HMBOX1: variants seen among roughly 807,000 people sequenced by gnomAD.
HMBOX1 encodes homeobox containing 1.
HMBOX1 carries 14 observed loss-of-function variants against 54.5 expected under a neutral mutation model. The ratio of observed to expected loss-of-function variants is 0.26; its 90% CI spans 0.17 to 0.40. HMBOX1 has a LOEUF of 0.40. HMBOX1 is among the 10% of genes least tolerant of loss of function. The probability of loss-of-function intolerance (pLI) is 1.00; values close to 1 mark genes in which losing one functional copy is unlikely to be tolerated. For missense variants in HMBOX1, 332 were observed against 514.4 expected, an observed-to-expected ratio of 0.65 and a Z score of 3.43; for synonymous variants, 160 against 181.0, an observed-to-expected ratio of 0.88 and a Z score of 0.93.
intron 4 of HMBOX1, among the ~76,000 whole-genome samples, chr8:29,007,060 G>A (rs916455676): frequency 4.6e-5 from 7 of 151,984 alleles, no homozygotes; most frequent in Non-Finnish European, 8.8e-5. Flanking sequence ...AGGCTGAGGC[G>A]GGCGGATCAC....
In HMBOX1 at chr8:28,900,264, A is replaced by AT. The variant is rs1249283360; in HGVS notation, c.-58+9586_-58+9587insT. On this transcript the variant is annotated intron_variant, in intron 1 of 9. Coordinates refer to ENST00000287701, the MANE Select transcript of HMBOX1 (RefSeq NM_001135726.3). ...AGCAAGATTCCGTCTCAAAAAAAAAAAAAAAAAATATATATATATATATAT... is the reference window on the plus strand; with the variant it reads ...AGCAAGATTCCGTCTCAAAAAAAAAATAAAAAAAATATATATATATATATAT... Among the ~76,000 whole-genome samples the AT allele has an allele frequency of 5.0e-4, 47 of 94,192 alleles. 1 individual carries two copies. Among genetic ancestry groups the AT allele is most frequent in the African/African-American group, 1.4e-3 (43 of 30,058 alleles). The allele number at this position is 94,192 out of a possible 152,430, so 61.8% of individuals were successfully genotyped here.
chr8:29,002,655 C>T (rs1297073812), intron 4 of HMBOX1, among the ~76,000 whole-genome samples: 2 of 152,058 alleles, frequency 1.3e-5, no homozygotes, highest in Non-Finnish European at 2.9e-5. Context: ...TTTCGAGAAC[C>T]TCATTTCTCT....
chr8:28,994,027 TGTG>T (rs915458386), intron 4 of HMBOX1, among the ~76,000 whole-genome samples: 8 of 151,858 alleles, frequency 5.3e-5, no homozygotes. Flanking sequence ...GTTAGCCGGA[TGTG>T]GTGGTGCATG....
intron 6 of HMBOX1, among the ~76,000 whole-genome samples, chr8:29,033,278 T>C (rs2133204198): frequency 6.6e-6 from 1 of 152,330 alleles, no homozygotes; most frequent in African/African-American, 2.4e-5. Context: ...GAAGTTGTAT[T>C]TTAAAAGAAG....
chr8:29,001,172 A>G (rs1365302921), intron 4 of HMBOX1, among the ~76,000 whole-genome samples: 1 of 152,238 alleles, frequency 6.6e-6, no homozygotes, highest in Non-Finnish European at 1.5e-5. Context: ...CAAACATACA[A>G]GGGTTGAAAA....
rs1344437413 is a variant in HMBOX1 at position 29,047,367 on chromosome 8, T to C, written c.944T>C (p.Leu315Pro). 6.2e-7 allele frequency: 1 copy of C among 1,600,844 alleles called. No homozygotes were observed. Among genetic ancestry groups the C allele is most frequent in the South Asian group, 1.1e-5 (1 of 90,750 alleles). Residue 315 changes from leucine (L) to proline (P), a missense_variant, in exon 8 of 10, where the codon CTG becomes CCG. By Grantham distance (98) the Leu-to-Pro change is moderately conservative. Transcript: ENST00000287701. ...TTGCATGTATTCACAGGCAAAAAGC[T>C]GTCAGATCTGGAAAGAGTTACCTCC... is the stretch of plus-strand genomic sequence containing the variant. ...NAVIQKPGKK[L>P]SDLERVTSLK...
intron 3 of HMBOX1, among the ~76,000 whole-genome samples, chr8:28,975,278 G>T (rs191346247): frequency 1.5e-4 from 23 of 152,300 alleles, no homozygotes; most frequent in African/African-American, 5.3e-4. Context: ...ATACAGAACA[G>T]CATGTAATAT....
intron 1 of HMBOX1, among the ~76,000 whole-genome samples, chr8:28,911,874 T>C (rs1277535392): frequency 3.9e-5 from 6 of 152,170 alleles, no homozygotes; most frequent in African/African-American, 1.4e-4. Flanking sequence ...ACTGTACAGA[T>C]GGTCCCCGAC....
chr8:29,050,779 AGT>A (rs1363206227), intron 9 of HMBOX1: 1 of 503,876 alleles, frequency 2.0e-6, no homozygotes, highest in Non-Finnish European at 3.5e-6. Flanking sequence ...TAGAATTCTC[AGT>A]GATGAAAAAC....
intron 6 of HMBOX1, among the ~76,000 whole-genome samples, chr8:29,043,228 G>C (rs1805099932): frequency 6.6e-6 from 1 of 152,192 alleles, no homozygotes; most frequent in African/African-American, 2.4e-5. Flanking sequence ...TCTATGCCCA[G>C]AGTCCTCAAA....
intron 4 of HMBOX1, among the ~76,000 whole-genome samples, chr8:29,007,829 G>A (rs1312934499): frequency 2.6e-5 from 4 of 152,082 alleles, no homozygotes; most frequent in African/African-American, 9.7e-5. Context: ...AAAGAAAGAT[G>A]TTTCCAGTCA....
chr8:28,940,998 T>C (rs1318993249), intron 1 of HMBOX1, among the ~76,000 whole-genome samples: 39 of 152,216 alleles, frequency 2.6e-4, no homozygotes, highest in Non-Finnish European at 4.9e-4. Flanking sequence ...TCTAATTCTT[T>C]TATATTTTAC....
At chr8:28,982,591 A>G (rs947457387) in intron 4 of HMBOX1, among the ~76,000 whole-genome samples, 1 of 151,480 alleles carries the variant, frequency 6.6e-6, no homozygotes, top group African/African-American at 2.4e-5. Context: ...CTGGGACTAC[A>G]GTTGTGCACC....
intron 4 of HMBOX1, among the ~76,000 whole-genome samples, chr8:28,990,715 G>T (rs933711079): frequency 6.6e-5 from 10 of 151,956 alleles, no homozygotes; most frequent in African/African-American, 2.4e-4. Flanking sequence ...GAGTGGAGTG[G>T]CGCAATCTCG....
chr8:28,918,525 A>T (rs1425488655), intron 1 of HMBOX1, among the ~76,000 whole-genome samples: 1 of 152,154 alleles, frequency 6.6e-6, no homozygotes, highest in East Asian at 1.9e-4. Context: ...TTGGTAGTGT[A>T]TGTATTCAAG....
chr8:29,005,722 G>A (rs184157440), intron 4 of HMBOX1, among the ~76,000 whole-genome samples: 36 of 152,220 alleles, frequency 2.4e-4, no homozygotes, highest in African/African-American at 8.4e-4. Context: ...TAACTCCCAG[G>A]CAGAAACCTT....
At chr8:28,925,461 C>T (rs1215213710) in intron 1 of HMBOX1, among the ~76,000 whole-genome samples, 1 of 152,050 alleles carries the variant, frequency 6.6e-6, no homozygotes, top group South Asian at 2.1e-4. Flanking sequence ...TATTGGCAAA[C>T]ACTATATTCA....
At chr8:28,922,244 A>T (rs1325010295) in intron 1 of HMBOX1, among the ~76,000 whole-genome samples, 1 of 152,238 alleles carries the variant, frequency 6.6e-6, no homozygotes, top group Non-Finnish European at 1.5e-5. Flanking sequence ...AGATAGTATA[A>T]GTAATCTAGA....
rs769525582 is a variant in HMBOX1, at chr8:28,970,421, A to G, written c.402A>G (p.Pro134=). 6.2e-7 allele frequency: 1 copy of G among 1,614,204 alleles called. No individual in the cohort carries two copies. The highest frequency in any genetic ancestry group is 1.1e-5 in the South Asian group (1 of 91,088). The part of the protein sequence containing the change: ...RLSTSNGKMS[P]TRYHANSMGQ... Reference sequence around the variant, plus strand: ...CTACATCCAATGGAAAGATGTCACCAACTCGCTACCATGCAAACAGCATGG... The same window carrying G: ...CTACATCCAATGGAAAGATGTCACCGACTCGCTACCATGCAAACAGCATGG... Residue 134 remains proline, a synonymous_variant, in exon 3 of 10, where the codon CCA becomes CCG. Transcript: ENST00000287701. This position sits in a 1 kb window ranked among gnomAD's most constrained non-coding sequence, Gnocchi z 4.3.
Sources: allele counts gnomAD v4.1 joint callset (sites outside exome capture counted in the v4.1 genomes callset), GRCh38; gene constraint gnomAD v4.1.1; non-coding constraint Gnocchi (gnomAD v3.1); transcripts MANE v1.5; gene names NCBI Gene and HGNC (gene_info 2026-07-23, HGNC 2026-07-21).